The following ARID1B variants were observed in gnomAD, a reference collection of about 807,000 sequenced individuals.
ARID1B encodes AT-rich interactive domain-containing protein 1B.
Under a neutral mutation model 212.3 loss-of-function variants are expected in ARID1B, and 30 were observed. The ratio of observed to expected loss-of-function variants is 0.14; its 90% CI spans 0.11 to 0.19. The LOEUF (loss-of-function observed/expected upper bound fraction) is 0.19, where lower values mean the gene tolerates loss of function less well. Among genes scored for constraint, ARID1B ranks in the 10% least tolerant of loss-of-function variants. The probability of loss-of-function intolerance (pLI) is 1.00; values close to 1 mark genes in which losing one functional copy is unlikely to be tolerated. For missense variants in ARID1B, 2,891 were observed against 3,204.0 expected, an observed-to-expected ratio of 0.90 and a Z score of 2.36; for synonymous variants, 1,402 against 1,301.7, an observed-to-expected ratio of 1.08 and a Z score of -1.66.
chr6:156,957,451 G>C (rs1794051184), intron 4 of ARID1B, among the ~76,000 whole-genome samples: 1 of 152,138 alleles, frequency 6.6e-6, no homozygotes, highest in Admixed American at 6.5e-5. Flanking sequence ...AAGCAGAGTA[G>C]CAGGCCAAGT....
intron 2 of ARID1B, among the ~76,000 whole-genome samples, chr6:156,836,923 CA>C (rs1309506641): frequency 6.6e-6 from 1 of 152,188 alleles, no homozygotes; most frequent in Non-Finnish European, 1.5e-5. Flanking sequence ...CCTTGGCCTC[CA>C]AAGTGCTAGG....
rs577722483 is a variant in ARID1B at position 157,005,533 on chromosome 6, G to T, written c.2247+69957G>T. Among the ~76,000 whole-genome samples, 23 of 152,244 alleles carry T rather than the reference G, an allele frequency of 1.5e-4. No individual in the cohort carries two copies. In the East Asian group the frequency reaches 4.4e-3, roughly 29 times the overall value. ...ACTTACTGGGTTGCCAAGGAGAATA[G>T]TTAAGTTGTAGCTAAAGATGAAAAG... On this transcript the variant is annotated intron_variant, in intron 4 of 19. Coordinates refer to ENST00000636930, the MANE Select transcript of ARID1B (RefSeq NM_001374828.1).
intron 4 of ARID1B, among the ~76,000 whole-genome samples, chr6:157,027,469 A>G (rs1780734515): frequency 6.6e-6 from 1 of 152,222 alleles, no homozygotes; most frequent in Non-Finnish European, 1.5e-5. Context: ...TTAGGATAAG[A>G]AAGAAGTTTT....
At chr6:156,868,216 T>A (rs940172578) in intron 2 of ARID1B, among the ~76,000 whole-genome samples, 20 of 152,230 alleles carry the variant, frequency 1.3e-4, no homozygotes, top group Non-Finnish European at 2.5e-4. Context: ...TAAAAGAAGC[T>A]CAATCATTCT....
intron 2 of ARID1B, among the ~76,000 whole-genome samples, chr6:156,863,762 CTG>C (rs928517161): frequency 6.6e-6 from 1 of 152,138 alleles, no homozygotes; most frequent in African/African-American, 2.4e-5. Context: ...ATTGCCAAAA[CTG>C]TGTTTTTCAG....
chr6:157,165,983 C>G (rs1791298160), intron 8 of ARID1B: 4 of 151,962 alleles, frequency 2.6e-5, no homozygotes, highest in Admixed American at 2.6e-4. Flanking sequence ...AACAGATAGG[C>G]AGGGTGTCTT....
Position 156,778,381 on chromosome 6 carries a change from G to A in ARID1B, c.701G>A (p.Gly234Asp). Reference protein sequence around the residue: ...GGAGGGAPQPGPDMEQPQHGG... With the variant: ...GGAGGGAPQPDPDMEQPQHGG... Reference sequence around the variant, plus strand: ...GCGGGCGGCGGCGCGCCTCAGCCCGGCCCCGACATGGAGCAGCCGCAACAT... The same window carrying A: ...GCGGGCGGCGGCGCGCCTCAGCCCGACCCCGACATGGAGCAGCCGCAACAT... The change falls in exon 1 of 20, where the codon GGC becomes GAC. Residue 234 changes from glycine (G) to aspartate (D), a missense_variant. Physicochemically the swap from Gly to Asp is moderately conservative, Grantham distance 94. Transcript: ENST00000636930. The A allele has an allele frequency of 6.5e-7, 1 of 1,536,372 alleles. No individual in the cohort carries two copies.
chr6:156,852,446 G>GT (rs1784642660), intron 2 of ARID1B, among the ~76,000 whole-genome samples: 1 of 148,034 alleles, frequency 6.8e-6, no homozygotes, highest in South Asian at 2.1e-4. Flanking sequence ...AGAAGACTCT[G>GT]TTTCCCTGTC....
chr6:156,777,912 C>G lies in ARID1B; in HGVS notation c.232C>G (p.Pro78Ala). The G allele has an allele frequency of 1.3e-6, 2 of 1,517,020 alleles. No homozygotes were observed. The highest frequency in any genetic ancestry group is 1.8e-6 in the Non-Finnish European group (2 of 1,140,100). 94.0% of individuals were successfully genotyped at this position (1,517,020 alleles called of 1,614,324 possible). A position where few individuals can be genotyped will look rare whatever the true frequency, so the allele number is the denominator to read the frequency against. ...LNSVHHHPLLPRHELNMAHNA... is the reference protein window; with the variant it reads ...LNSVHHHPLLARHELNMAHNA... The stretch of plus-strand genomic sequence containing the variant: ...CAGTGTGCACCACCACCCCCTGCTC[C>G]CCCGTCACGAACTCAACATGGCCCA... The change falls in exon 1 of 20, where the codon CCC becomes GCC. Residue 78 changes from proline (P) to alanine (A), a missense_variant. Around this residue, in one of 7 missense-constraint regions of ARID1B, gnomAD observed 1,643 missense variants for 1,544.0 expected, o/e 1.06. Coordinates refer to ENST00000636930, the MANE Select transcript of ARID1B (RefSeq NM_001374828.1).
chr6:157,028,437 A>T (rs941157733), intron 4 of ARID1B, among the ~76,000 whole-genome samples: 1 of 152,248 alleles, frequency 6.6e-6, no homozygotes, highest in African/African-American at 2.4e-5. Flanking sequence ...TACAGTTTAC[A>T]TAAAGATCTA....
rs551904804 is a variant in ARID1B, at chr6:156,956,813, C to T, written c.2247+21237C>T. Reference sequence around the variant, plus strand: ...TGTTGTCCAGTATGTCAGCCACTTGCCATATATTGTTATATACCACCTGAA... The same window carrying T: ...TGTTGTCCAGTATGTCAGCCACTTGTCATATATTGTTATATACCACCTGAA... On this transcript the variant is annotated intron_variant, in intron 4 of 19. Transcript: ENST00000636930. Among the ~76,000 whole-genome samples, 171 of 152,184 alleles carry T rather than the reference C, an allele frequency of 1.1e-3. 1 individual carries two copies. Among genetic ancestry groups the T allele is most frequent in the African/African-American group, 4.0e-3 (164 of 41,518 alleles).
intron 1 of ARID1B, among the ~76,000 whole-genome samples, chr6:156,784,169 C>T (rs545508845): frequency 7.9e-5 from 12 of 151,806 alleles, no homozygotes; most frequent in Admixed American, 2.0e-4. Flanking sequence ...CATGCCTTTT[C>T]GGAGGTGCCC....
At chr6:156,905,885 G>C (rs193294313) in intron 3 of ARID1B, among the ~76,000 whole-genome samples, 8 of 152,212 alleles carry the variant, frequency 5.3e-5, no homozygotes, top group Admixed American at 3.9e-4. Context: ...GGGATCTTCT[G>C]TGAAACAGGG....
At chr6:156,813,037 T>C (rs1781694606) in intron 1 of ARID1B, among the ~76,000 whole-genome samples, 1 of 148,744 alleles carries the variant, frequency 6.7e-6, no homozygotes, top group African/African-American at 2.5e-5. Context: ...TATACATATA[T>C]ATATACACAT....
chr6:156,962,605 C>T (rs182941146), intron 4 of ARID1B, among the ~76,000 whole-genome samples: 20 of 152,160 alleles, frequency 1.3e-4, no homozygotes, highest in Admixed American at 1.2e-3. Context: ...ACTTCAGCCC[C>T]CCAAGTAGCT....
At chr6:157,111,138 A>G (rs1246387667) in intron 6 of ARID1B, 1 of 153,216 alleles carries the variant, frequency 6.5e-6, no homozygotes, top group Non-Finnish European at 1.5e-5. Context: ...CCAGTCCCAG[A>G]AAAAAAGAAT....
intron 4 of ARID1B, among the ~76,000 whole-genome samples, chr6:157,049,481 CT>C (rs950372894): frequency 6.6e-6 from 1 of 152,018 alleles, no homozygotes; most frequent in African/African-American, 2.4e-5. Context: ...CAGGAGATTT[CT>C]TTTTTTTCCC....
At chr6:157,096,800 T>G (rs748622715) in intron 5 of ARID1B, among the ~76,000 whole-genome samples, 2 of 152,340 alleles carry the variant, frequency 1.3e-5, no homozygotes, top group Middle Eastern at 3.4e-3. Context: ...CCCAGCACTG[T>G]TAAAAAGGAG....
intron 4 of ARID1B, among the ~76,000 whole-genome samples, chr6:157,011,604 T>C (rs1359388935): frequency 1.3e-5 from 2 of 152,254 alleles, no homozygotes; most frequent in African/African-American, 4.8e-5. Flanking sequence ...CCACGGTCCA[T>C]GAACAACCGT....
Sources: gnomAD v4.1 joint callset for allele counts (sites outside exome capture counted in the v4.1 genomes callset) on GRCh38, gnomAD v4.1.1 for gene constraint, gnomAD v4.1.1 regional missense constraint, MANE v1.5 for transcripts, NCBI Gene and HGNC (gene_info 2026-07-23, HGNC 2026-07-21) for gene names.